GAS2: variants seen among roughly 807,000 people sequenced by gnomAD.
GAS2 encodes growth arrest-specific protein 2.
In GAS2, 20 loss-of-function variants were observed where a neutral mutation model predicts 37.5. That is an observed-to-expected ratio of 0.53 (90% CI 0.37 to 0.77). GAS2 has a LOEUF of 0.77. GAS2 is among the 30% of genes least tolerant of loss of function. The pLI, the probability that GAS2 is intolerant of heterozygous loss-of-function variation, is 0.00. For missense variants in GAS2, 336 were observed against 373.4 expected (o/e 0.90, Z 0.82); for synonymous variants, 144 against 132.2 (o/e 1.09, Z -0.61).
intron 7 of GAS2, among the ~76,000 whole-genome samples, chr11:22,760,935 G>A (rs1169802506): frequency 4.6e-5 from 7 of 152,138 alleles, no homozygotes; most frequent in South Asian, 2.1e-4. Flanking sequence ...CTTTTGCTGA[G>A]CTTCCTATCT....
chr11:22,660,897 T>G (rs555889205), intron 1 of GAS2, among the ~76,000 whole-genome samples: 1 of 152,310 alleles, frequency 6.6e-6, no homozygotes, highest in South Asian at 2.1e-4. Flanking sequence ...CCTGATCCAT[T>G]ATTTGGAACT....
At chr11:22,641,620 A>C (rs908289272) in intron 1 of GAS2, among the ~76,000 whole-genome samples, 11 of 151,746 alleles carry the variant, frequency 7.2e-5, no homozygotes, top group Non-Finnish European at 4.4e-5. Context: ...CTGCTGTAAC[A>C]CACCTTTTTG....
At position 22,712,915 on chromosome 11, in the gene GAS2, A is replaced by G. The variant is rs145622554; in HGVS notation, c.268-13377A>G. On this transcript the variant is annotated intron_variant, in intron 3 of 7. Transcript: ENST00000454584. ...AACATGATGAAAACCCATATCTACTAAAAATACAAAAAAGTAGCCAGGCAT... is the reference window on the plus strand; with the variant it reads ...AACATGATGAAAACCCATATCTACTGAAAATACAAAAAAGTAGCCAGGCAT... 3.3e-5 allele frequency among the ~76,000 whole-genome samples: 5 copies of G among 152,032 alleles called. No homozygotes were observed. The East Asian group carries it at 9.7e-4, about 29-fold the overall frequency.
intron 3 of GAS2, among the ~76,000 whole-genome samples, chr11:22,699,309 A>G (rs1850705795): frequency 6.6e-6 from 1 of 152,202 alleles, no homozygotes. Context: ...CAAATCTACA[A>G]AGGGACCCAA....
chr11:22,697,353 A>G (rs1203321668), intron 3 of GAS2, among the ~76,000 whole-genome samples: 1 of 152,122 alleles, frequency 6.6e-6, no homozygotes, highest in East Asian at 1.9e-4. Context: ...GTAGCCTTGT[A>G]GTATAATTTG....
At chr11:22,759,015 C>T (rs1213864259) in intron 7 of GAS2, among the ~76,000 whole-genome samples, 1 of 151,404 alleles carries the variant, frequency 6.6e-6, no homozygotes, top group Non-Finnish European at 1.5e-5. Context: ...CCAGGGTTAA[C>T]AATTCCATTG....
chr11:22,706,962 G>A (rs1046884116), intron 3 of GAS2, among the ~76,000 whole-genome samples: 4 of 152,104 alleles, frequency 2.6e-5, no homozygotes, highest in Non-Finnish European at 4.4e-5. Context: ...CAGTGTAAAA[G>A]TGTTCCTATT....
At chr11:22,649,880 A>G (rs1272450923) in intron 1 of GAS2, among the ~76,000 whole-genome samples, 2 of 151,818 alleles carry the variant, frequency 1.3e-5, no homozygotes, top group Non-Finnish European at 1.5e-5. Context: ...TCCTGGATTC[A>G]TTAATTTTTT....
intron 7 of GAS2, among the ~76,000 whole-genome samples, chr11:22,806,584 C>G (rs186784592): frequency 1.3e-5 from 2 of 152,134 alleles, no homozygotes; most frequent in African/African-American, 4.8e-5. Flanking sequence ...TGTAAAGGTT[C>G]CCTTTTCTCC....
At chr11:22,782,372 T>G (rs528178979) in intron 7 of GAS2, among the ~76,000 whole-genome samples, 1 of 152,174 alleles carries the variant, frequency 6.6e-6, no homozygotes, top group African/African-American at 2.4e-5. Flanking sequence ...GGTTCCTTAG[T>G]TGTGAACCAA....
chr11:22,669,429 T>A (rs554363244), intron 1 of GAS2, among the ~76,000 whole-genome samples: 5 of 152,266 alleles, frequency 3.3e-5, no homozygotes, highest in Admixed American at 3.3e-4. Context: ...ATATAGAAAA[T>A]CAATTCCCAT....
At chr11:22,687,794 G>T (rs1850037282) in intron 3 of GAS2, among the ~76,000 whole-genome samples, 1 of 152,178 alleles carries the variant, frequency 6.6e-6, no homozygotes, top group African/African-American at 2.4e-5. Context: ...AAGGTTTACA[G>T]TAAAGCAATG....
intron 7 of GAS2, among the ~76,000 whole-genome samples, chr11:22,783,955 C>T (rs1025222282): frequency 4.6e-5 from 7 of 151,984 alleles, no homozygotes; most frequent in East Asian, 1.9e-4. Context: ...GTTGATTGTG[C>T]GTGTGTGGCT....
chr11:22,669,922 A>C (rs148450537), intron 1 of GAS2, among the ~76,000 whole-genome samples: 3 of 152,234 alleles, frequency 2.0e-5, no homozygotes, highest in African/African-American at 7.2e-5. Context: ...TATCCATGAC[A>C]TTGGTTGAAA....
intron 3 of GAS2, among the ~76,000 whole-genome samples, chr11:22,698,655 C>A (rs337463): frequency 0.19 from 27,310 of 145,618 alleles, 2,878 homozygotes; most frequent in East Asian, 0.38. Flanking sequence ...GCAGCACATC[C>A]AAAAGCTTAT....
At chr11:22,798,820 A>G (rs1017256838) in intron 7 of GAS2, among the ~76,000 whole-genome samples, 1 of 152,066 alleles carries the variant, frequency 6.6e-6, no homozygotes, top group East Asian at 1.9e-4. Flanking sequence ...ATGGCAAACT[A>G]TCCATGGAAC....
chr11:22,734,252 ACATATGT>A (rs1292147987), intron 4 of GAS2, among the ~76,000 whole-genome samples: 1 of 151,782 alleles, frequency 6.6e-6, no homozygotes, highest in Non-Finnish European at 1.5e-5. Flanking sequence ...TCAAAAACTG[ACATATGT>A]CCTAATGCAA....
chr11:22,748,808 C>T (rs1315470619), intron 5 of GAS2, among the ~76,000 whole-genome samples: 1 of 152,040 alleles, frequency 6.6e-6, no homozygotes, highest in African/African-American at 2.4e-5. Flanking sequence ...AATGTGAATG[C>T]TGAAGACCAA....
rs542400760 is a variant in GAS2 at position 22,757,480 on chromosome 11, T to C, written c.723+1527T>C. On this transcript the variant is annotated intron_variant, in intron 7 of 7. Transcript: ENST00000454584. ...TATCAACTAATACATAAGAACATAT[T>C]GTGCACACTCAGTTTCTTACTTCTA... 4.0e-4 allele frequency among the ~76,000 whole-genome samples: 61 copies of C among 152,302 alleles called. 1 individual carries two copies. The highest frequency in any genetic ancestry group is 1.4e-3 in the African/African-American group (60 of 41,598).
Sources: gnomAD v4.1 joint callset for allele counts (sites outside exome capture counted in the v4.1 genomes callset) on GRCh38, gnomAD v4.1.1 for gene constraint, MANE v1.5 for transcripts, NCBI Gene and HGNC (gene_info 2026-07-23, HGNC 2026-07-21) for gene names.